Variants in KANSL1 observed in about 807,000 individuals in gnomAD.
KANSL1 encodes the protein MLL1/MLL complex subunit KANSL1.
In KANSL1, 22 loss-of-function variants were observed where a neutral mutation model predicts 103.6. The observed-to-expected ratio is 0.21, with a 90% CI of 0.15 to 0.30. The LOEUF (loss-of-function observed/expected upper bound fraction) is 0.30. Among genes scored for constraint, KANSL1 ranks in the 10% least tolerant of loss-of-function variants. The probability of loss-of-function intolerance (pLI) is 1.00; values close to 1 mark genes in which losing one functional copy is unlikely to be tolerated. For missense variants in KANSL1, 1,337 were observed against 1,399.8 expected, an observed-to-expected ratio of 0.96 and a Z score of 0.72; for synonymous variants, 600 against 527.6, an observed-to-expected ratio of 1.14 and a Z score of -1.88.
At chr17:46,135,544 T>TTTTTTTTA (rs1491009982) in intron 2 of KANSL1, among the ~76,000 whole-genome samples, 12 of 28,224 alleles carry the variant, frequency 4.3e-4, no homozygotes, top group Non-Finnish European at 6.6e-4. Flanking sequence ...AACTATACAT[T>TTTTTTTTA]TTTTTTTTTT....
rs148825937 is a variant in KANSL1, at chr17:46,039,746, C to T, written c.2159G>A (p.Arg720His). 3.2e-4 allele frequency: 518 copies of T among 1,614,044 alleles called. No homozygotes were observed. Among genetic ancestry groups the T allele is most frequent in the Non-Finnish European group, 4.2e-4 (493 of 1,180,028 alleles). ...GCTGACCAATTTGTGCCTGTCCTTA[C>T]GAGCTGAATCTGGCAGACTGCCCGG... ...PMPGSLPDSA[R>H]KDRHKLVSSF... is the part of the protein sequence containing the mutation. Residue 720 changes from arginine (R) to histidine (H), a missense_variant, in exon 8 of 15, where the codon CGT (arginine) becomes CAT (histidine). Arg to His is a conservative substitution (Grantham distance 29, BLOSUM62 0). Transcript: ENST00000432791.
At chr17:46,094,537 A>C (rs780379555) in intron 3 of KANSL1, 23 bp downstream of exon 3, 1 of 1,597,096 alleles carries the variant, frequency 6.3e-7, no homozygotes. Flanking sequence ...AGCATTTAAA[A>C]ACATCAGATA....
chr17:46,157,963 G>A (rs977796482), intron 2 of KANSL1, among the ~76,000 whole-genome samples: 3 of 152,236 alleles, frequency 2.0e-5, no homozygotes, highest in African/African-American at 7.2e-5. Flanking sequence ...TGGAAATCTA[G>A]AGAAAGAATA....
At chr17:46,087,765 C>T (rs1220461810) in intron 3 of KANSL1, among the ~76,000 whole-genome samples, 3 of 152,006 alleles carry the variant, frequency 2.0e-5, no homozygotes, top group African/African-American at 4.8e-5. Flanking sequence ...ATGACTTTGC[C>T]CTTTTCTGTA....
intron 1 of KANSL1, among the ~76,000 whole-genome samples, chr17:46,177,346 C>A (rs1381256759): frequency 2.7e-5 from 4 of 146,894 alleles, no homozygotes; most frequent in South Asian, 2.1e-4. Context: ...CAATTAGCTA[C>A]AATTGCCATA....
At chr17:46,082,004 C>T (rs915736658) in intron 4 of KANSL1, among the ~76,000 whole-genome samples, 5 of 152,178 alleles carry the variant, frequency 3.3e-5, no homozygotes, top group East Asian at 3.9e-4. Context: ...CAGTTTAATG[C>T]TCATTATAGA....
intron 2 of KANSL1, among the ~76,000 whole-genome samples, chr17:46,124,864 AAAGTT>A (rs1203131736): frequency 5.9e-5 from 9 of 151,976 alleles, no homozygotes; most frequent in Non-Finnish European, 1.3e-4. Flanking sequence ...AAACAGATGC[AAAGTT>A]AAGTTGACTC....
intron 1 of KANSL1, among the ~76,000 whole-genome samples, chr17:46,205,380 CA>C (rs1190946435): frequency 1.0e-4 from 15 of 146,972 alleles, no homozygotes; most frequent in Admixed American, 2.7e-4. Flanking sequence ...ATCCCCCCGC[CA>C]AAAAAAAAAG....
chr17:46,160,403 ATCC>A (rs1192977169), intron 2 of KANSL1, among the ~76,000 whole-genome samples: 2 of 152,220 alleles, frequency 1.3e-5, no homozygotes, highest in African/African-American at 2.4e-5. Context: ...GCTCAAAGCA[ATCC>A]TCCTACCTCA....
chr17:46,077,714 C>A (rs1392943704), intron 4 of KANSL1, among the ~76,000 whole-genome samples: 1 of 151,990 alleles, frequency 6.6e-6, no homozygotes, highest in Non-Finnish European at 1.5e-5. Context: ...TCTGCCACCA[C>A]GCTTGGATAA....
At chr17:46,204,137 T>C (rs890241098) in intron 1 of KANSL1, among the ~76,000 whole-genome samples, 8 of 151,878 alleles carry the variant, frequency 5.3e-5, no homozygotes, top group African/African-American at 1.2e-4. Context: ...CTAGGCAACA[T>C]AGGAAGACCC....
At chr17:46,041,889 T>TGTGTGG (rs910249996) in intron 7 of KANSL1, 6 of 139,304 alleles carry the variant, frequency 4.3e-5, no homozygotes, top group African/African-American at 1.6e-4. Flanking sequence ...TGTGTGTGTG[T>TGTGTGG]GTGTGTGTGT....
chr17:46,089,710 T>C (rs2079308621), intron 3 of KANSL1, among the ~76,000 whole-genome samples: 1 of 152,164 alleles, frequency 6.6e-6, no homozygotes, highest in Non-Finnish European at 1.5e-5. Flanking sequence ...ACCCAAGCAC[T>C]TAAAGTGATT....
At chr17:46,059,437 G>T (rs62060787) in intron 6 of KANSL1, among the ~76,000 whole-genome samples, 21,762 of 151,816 alleles carry the variant, frequency 0.14, 2,122 homozygotes, top group Non-Finnish European at 0.22. Flanking sequence ...TGGCCAACAT[G>T]GTGAAACCCC....
At chr17:46,191,845 G>A (rs979439385) in intron 1 of KANSL1, among the ~76,000 whole-genome samples, 3 of 152,192 alleles carry the variant, frequency 2.0e-5, no homozygotes, top group African/African-American at 4.8e-5. Context: ...CGAGGCTGGA[G>A]GAAGAGAGAT....
chr17:46,101,222 C>T lies in KANSL1; in HGVS notation c.1290-6521G>A, dbSNP rs539928668. On this transcript the variant is annotated intron_variant, in intron 2 of 14. Coordinates refer to ENST00000432791, the MANE Select transcript of KANSL1 (RefSeq NM_015443.4). ...ATGAGAAATCTTGAAATTGCTGAGT[C>T]ACATGAAAAAAACAAAAACAAAAAA... Among the ~76,000 whole-genome samples, 6 of 152,072 alleles carry T rather than the reference C, an allele frequency of 3.9e-5. No homozygotes were observed. The South Asian group carries it at 1.0e-3, about 26-fold the overall frequency.
At chr17:46,085,928 T>C (rs2079147034) in intron 3 of KANSL1, among the ~76,000 whole-genome samples, 1 of 152,182 alleles carries the variant, frequency 6.6e-6, no homozygotes, top group Admixed American at 6.5e-5. Flanking sequence ...GCACCCAGCC[T>C]TTAATTGTTA....
intron 1 of KANSL1, among the ~76,000 whole-genome samples, chr17:46,211,582 G>A (rs952629073): frequency 6.6e-6 from 1 of 152,200 alleles, no homozygotes; most frequent in Non-Finnish European, 1.5e-5. Context: ...ATGCAGTTCT[G>A]AGTAGTTATC....
chr17:46,084,697 T>TAAAAAAAAAAAAAAAAA (rs67108405), intron 3 of KANSL1, among the ~76,000 whole-genome samples: 6 of 74,490 alleles, frequency 8.1e-5, no homozygotes, highest in African/African-American at 3.4e-4. Flanking sequence ...TTTTAAAAAT[T>TAAAAAAAAAAAAAAAAA]AAAAAAAAAA....
Sources: gnomAD v4.1 joint callset for allele counts (sites outside exome capture counted in the v4.1 genomes callset) on GRCh38, gnomAD v4.1.1 for gene constraint, MANE v1.5 for transcripts, NCBI Gene and HGNC (gene_info 2026-07-23, HGNC 2026-07-21) for gene names.